TMEM63C: variants seen among roughly 807,000 people sequenced by gnomAD.
TMEM63C encodes the protein osmosensitive cation channel TMEM63C.
In TMEM63C, 32 loss-of-function variants were observed where a neutral mutation model predicts 99.2. The observed-to-expected ratio is 0.32, with a 90% CI of 0.24 to 0.43. The LOEUF is 0.43. Among genes scored for constraint, TMEM63C ranks in the 20% least tolerant of loss-of-function variants. The pLI is 1.00. For missense variants in TMEM63C, 826 were observed against 1,053.0 expected (o/e 0.78, Z 2.98); for synonymous variants, 376 against 397.9 (o/e 0.94, Z 0.66).
intron 2 of TMEM63C, among the ~76,000 whole-genome samples, chr14:77,213,985 C>T (rs1459450445): frequency 6.6e-6 from 1 of 152,072 alleles, no homozygotes; most frequent in East Asian, 1.9e-4. Flanking sequence ...CTCTCAGGCC[C>T]TCCATCGCAG....
chr14:77,258,610 G>A lies in TMEM63C; in HGVS notation c.*1884G>A, dbSNP rs1889519157. ...CTGGAATTTCACCAACCAACAAGGG[G>A]AAAGTACGCTGTTACAGCATAGCGG... On this transcript the variant is annotated 3_prime_UTR_variant, in exon 24 of 24. Transcript: ENST00000298351. 6.6e-6 allele frequency: 1 copy of A among 152,386 alleles called. No individual in the cohort carries two copies. Among genetic ancestry groups the A allele is most frequent in the Admixed American group, 6.5e-5 (1 of 15,290 alleles). The allele number at this position is 152,386 out of a possible 1,614,324, so 9.4% of individuals were successfully genotyped here.
chr14:77,200,179 C>T (rs1229739885), intron 1 of TMEM63C, among the ~76,000 whole-genome samples: 1 of 152,226 alleles, frequency 6.6e-6, no homozygotes, highest in Non-Finnish European at 1.5e-5. Context: ...ATCAGTGTGG[C>T]TTTCCTGATC....
chr14:77,208,075 G>T (rs976548182), intron 1 of TMEM63C, among the ~76,000 whole-genome samples: 4 of 152,180 alleles, frequency 2.6e-5, no homozygotes, highest in Non-Finnish European at 5.9e-5. Context: ...TCATTCATAA[G>T]ATGGGATAAT....
chr14:77,194,932 C>T (rs1888191134), intron 1 of TMEM63C, among the ~76,000 whole-genome samples: 1 of 151,664 alleles, frequency 6.6e-6, no homozygotes, highest in South Asian at 2.1e-4. Context: ...TTTTTTTCCC[C>T]CTAAGCATGT....
At chr14:77,199,822 A>C (rs1032559368) in intron 1 of TMEM63C, among the ~76,000 whole-genome samples, 3 of 152,188 alleles carry the variant, frequency 2.0e-5, no homozygotes, top group Non-Finnish European at 4.4e-5. Flanking sequence ...CCCTGCTCAA[A>C]GGCTCCCAGC....
At chr14:77,248,905 C>T (rs1255790183) in intron 20 of TMEM63C, 33 bp downstream of exon 20, 1 of 1,551,626 alleles carries the variant, frequency 6.4e-7, no homozygotes, top group Non-Finnish European at 8.9e-7. Flanking sequence ...CCAAGGGCTG[C>T]ACATCCGCAG....
In TMEM63C at chr14:77,246,161, G is replaced by A. The variant is rs765849756; in HGVS notation, c.1535+135G>A. On this transcript the variant is annotated intron_variant, in intron 17 of 23. Coordinates refer to ENST00000298351, the MANE Select transcript of TMEM63C (RefSeq NM_020431.4). ...AAAGACAGCCCCATGCCTGTCATGGGTGTAGCATGAGCCGGGCTTCCTGCA... is the reference window on the plus strand; with the variant it reads ...AAAGACAGCCCCATGCCTGTCATGGATGTAGCATGAGCCGGGCTTCCTGCA... 587 of 744,498 alleles carry A rather than the reference G, an allele frequency of 7.9e-4. 8 individuals are homozygous for A. The highest frequency in any genetic ancestry group is 1.7e-4 in the Non-Finnish European group (69 of 417,276). The allele number at this position is 744,498 out of a possible 1,614,324, so 46.1% of individuals were successfully genotyped here.
intron 1 of TMEM63C, among the ~76,000 whole-genome samples, chr14:77,210,451 A>G (rs1383555599): frequency 6.6e-6 from 1 of 152,204 alleles, no homozygotes; most frequent in East Asian, 1.9e-4. Context: ...GAGTTTGAGG[A>G]TGGTATGGGG....
rs1377802837 is a variant in TMEM63C, at chr14:77,220,039, G to T, written c.264G>T (p.Glu88Asp). 2 of 1,562,430 alleles carry T rather than the reference G, an allele frequency of 1.3e-6. No homozygotes were observed. Among genetic ancestry groups the T allele is most frequent in the Non-Finnish European group, 1.7e-6 (2 of 1,153,258 alleles). Residue 88 changes from glutamate to aspartate, a missense_variant, in exon 5 of 24, where the codon GAG becomes GAT. Glu to Asp is a conservative substitution (Grantham distance 45, BLOSUM62 2). Transcript: ENST00000298351. The stretch of plus-strand genomic sequence containing the variant: ...CGCTGATCTATGGGGAGCAGAGCGA[G>T]AAGACATCTCCCTCGGAGACTTCCT... ...LTSLIYGEQSEKTSPSETSLE... is the reference protein window; with the variant it reads ...LTSLIYGEQSDKTSPSETSLE...
At position 77,248,808 on chromosome 14, in the gene TMEM63C, G is replaced by C; in HGVS notation, c.1806G>C (p.Trp602Cys). 6.2e-7 allele frequency: 1 copy of C among 1,614,052 alleles called. No individual in the cohort carries two copies. Among genetic ancestry groups the C allele is most frequent in the Non-Finnish European group, 8.5e-7 (1 of 1,179,890 alleles). The change falls in exon 20 of 24, where the codon TGG becomes TGC. Residue 602 changes from tryptophan to cysteine, a missense_variant. By Grantham distance (215) the Trp-to-Cys change is radical. Coordinates refer to ENST00000298351, the MANE Select transcript of TMEM63C (RefSeq NM_020431.4). ...TCCAGTTTGGGCGTGAGTATGCGTGGATGATGAACGTGTTCAGCGTGGTGA... is the reference window on the plus strand; with the variant it reads ...TCCAGTTTGGGCGTGAGTATGCGTGCATGATGAACGTGTTCAGCGTGGTGA... ...IDFQFGREYA[W>C]MMNVFSVVMA... is the part of the protein sequence containing the mutation.
intron 22 of TMEM63C, among the ~76,000 whole-genome samples, chr14:77,252,405 C>T (rs777551401): frequency 2.0e-5 from 3 of 152,180 alleles, no homozygotes; most frequent in Admixed American, 6.5e-5. Flanking sequence ...TGGCAGTGGG[C>T]CCAGCCTAAT....
At chr14:77,182,828 A>G (rs1312905701) in intron 1 of TMEM63C, among the ~76,000 whole-genome samples, 1 of 152,120 alleles carries the variant, frequency 6.6e-6, no homozygotes, top group Admixed American at 6.5e-5. Flanking sequence ...GGGTTCAAGG[A>G]AAGAATGAGA....
chr14:77,220,483 C>A (rs908604908), intron 5 of TMEM63C, among the ~76,000 whole-genome samples: 1 of 152,128 alleles, frequency 6.6e-6, no homozygotes, highest in Non-Finnish European at 1.5e-5. Context: ...GGTAGGGATT[C>A]CCTCAGCCTC....
intron 1 of TMEM63C, among the ~76,000 whole-genome samples, chr14:77,212,525 G>C (rs192068112): frequency 2.1e-3 from 317 of 152,312 alleles, no homozygotes; most frequent in Non-Finnish European, 3.3e-3. Flanking sequence ...TGGTGCTTTA[G>C]TCTCCAGTAA....
chr14:77,242,816 G>A, intron 14 of TMEM63C, 87 bp from the exon 15 acceptor site: 1 of 1,505,056 alleles, frequency 6.6e-7, no homozygotes, highest in Non-Finnish European at 9.2e-7. Context: ...AGGGCAGGCT[G>A]GGTCCACAGC....
intron 15 of TMEM63C, among the ~76,000 whole-genome samples, chr14:77,243,333 T>C (rs756706822): frequency 8.6e-5 from 13 of 151,984 alleles, no homozygotes; most frequent in Non-Finnish European, 1.8e-4. Context: ...GGGGGTGTCG[T>C]CCTGTCAACA....
intron 6 of TMEM63C, among the ~76,000 whole-genome samples, chr14:77,226,814 G>C (rs34927858): frequency 0.18 from 26,334 of 149,476 alleles, 2,566 homozygotes; most frequent in Non-Finnish European, 0.22. Flanking sequence ...TGTCACCAGG[G>C]TGATGTGCAG....
intron 2 of TMEM63C, among the ~76,000 whole-genome samples, chr14:77,215,829 T>G (rs1888574868): frequency 6.6e-6 from 1 of 152,062 alleles, no homozygotes; most frequent in African/African-American, 2.4e-5. Context: ...TCCCCCCTCC[T>G]CCTACTTCTT....
intron 10 of TMEM63C, 110 bp downstream of exon 10, chr14:77,238,877 G>A (rs952387875): frequency 5.6e-5 from 47 of 836,446 alleles, no homozygotes; most frequent in African/African-American, 4.2e-4. Context: ...GGGACACCCC[G>A]GGGTGGCTCT....
Sources: gnomAD v4.1 joint callset for allele counts (sites outside exome capture counted in the v4.1 genomes callset) on GRCh38, gnomAD v4.1.1 for gene constraint, MANE v1.5 for transcripts, NCBI Gene and HGNC (gene_info 2026-07-23, HGNC 2026-07-21) for gene names.